Variants in TMC5 observed in about 807,000 individuals in gnomAD.
TMC5 encodes the protein transmembrane channel like 5.
TMC5 carries 86 observed loss-of-function variants against 110.5 expected under a neutral mutation model. The ratio of observed to expected loss-of-function variants is 0.78; its 90% CI spans 0.65 to 0.93. The LOEUF is 0.93. TMC5 is among the 40% of genes least tolerant of loss of function. The probability of loss-of-function intolerance (pLI) is 0.00; values close to 1 mark genes in which losing one functional copy is unlikely to be tolerated. For synonymous variants in TMC5, 455 were observed against 439.5 expected (o/e 1.04, Z -0.44); for missense variants, 1,144 against 1,222.8 (o/e 0.94, Z 0.96).
At chr16:19,422,615 T>G (rs1232404601) in intron 1 of TMC5, among the ~76,000 whole-genome samples, 3 of 152,162 alleles carry the variant, frequency 2.0e-5, no homozygotes, top group African/African-American at 7.2e-5. Flanking sequence ...GAGGATCTCT[T>G]GAGCCCAGGC....
chr16:19,421,958 C>T (rs773203937), intron 1 of TMC5, among the ~76,000 whole-genome samples: 22 of 151,842 alleles, frequency 1.4e-4, no homozygotes, highest in Admixed American at 1.2e-3. Flanking sequence ...GGGCCGGGCG[C>T]GGTGGCTCAC....
chr16:19,433,663 ACATAGTG>A (rs991559366), intron 2 of TMC5, among the ~76,000 whole-genome samples: 3 of 151,138 alleles, frequency 2.0e-5, no homozygotes, highest in Non-Finnish European at 4.4e-5. Flanking sequence ...TTATTGCCAC[ACATAGTG>A]AGTATTAGAT....
chr16:19,454,072 GAGTTT>G (rs1967810608), intron 5 of TMC5, among the ~76,000 whole-genome samples: 3 of 151,974 alleles, frequency 2.0e-5, no homozygotes, highest in African/African-American at 7.2e-5. Context: ...TTTTGAGGCA[GAGTTT>G]CACTCTGTCC....
At chr16:19,497,743 T>C (rs1969093062) in intron 21 of TMC5, among the ~76,000 whole-genome samples, 177 bp from the exon 22 acceptor site, 1 of 152,182 alleles carries the variant, frequency 6.6e-6, no homozygotes, top group Non-Finnish European at 1.5e-5. Context: ...TTTTGGGGGA[T>C]AGCATTTACT....
chr16:19,448,357 G>A (rs1347361384), intron 4 of TMC5, among the ~76,000 whole-genome samples: 1 of 151,682 alleles, frequency 6.6e-6, no homozygotes, highest in African/African-American at 2.4e-5. Context: ...ACTCAAGCCT[G>A]TAATCCCAAC....
intron 1 of TMC5, among the ~76,000 whole-genome samples, chr16:19,418,583 G>A (rs1292557283): frequency 6.6e-6 from 1 of 151,686 alleles, no homozygotes; most frequent in Non-Finnish European, 1.5e-5. Context: ...CTCTCCCAAT[G>A]GTATTTCATT....
chr16:19,440,055 G>C lies in TMC5; in HGVS notation c.17G>C (p.Arg6Thr). ...CATACCAACATGTCTGCCTACTACAGGAATAACTGGTCTGAGGAAGACCCA... is the reference window on the plus strand; with the variant it reads ...CATACCAACATGTCTGCCTACTACACGAATAACTGGTCTGAGGAAGACCCA... MSAYY[R>T]NNWSEEDPDY... Residue 6 changes from arginine (R) to threonine (T), a missense_variant, in exon 3 of 22, where the codon AGG becomes ACG. By Grantham distance (71) the Arg-to-Thr change is moderately conservative (BLOSUM62 -1). Coordinates refer to ENST00000542583, the MANE Select transcript of TMC5 (RefSeq NM_001261841.2). The C allele has an allele frequency of 6.2e-7, 1 of 1,613,538 alleles. No individual in the cohort carries two copies. Among genetic ancestry groups the C allele is most frequent in the Non-Finnish European group, 8.5e-7 (1 of 1,179,800 alleles).
chr16:19,449,480 C>A, intron 4 of TMC5, 62 bp from the exon 5 acceptor site: 1 of 1,371,984 alleles, frequency 7.3e-7, no homozygotes, highest in Non-Finnish European at 1.0e-6. Flanking sequence ...ATAACTATTG[C>A]ATGCCAGGAA....
intron 1 of TMC5, among the ~76,000 whole-genome samples, chr16:19,430,139 G>A (rs141493589): frequency 6.6e-6 from 1 of 152,294 alleles, no homozygotes; most frequent in Non-Finnish European, 1.5e-5. Context: ...AATTGGATTA[G>A]GAAGAGGTAT....
intron 17 of TMC5, 87 bp from the exon 18 acceptor site, chr16:19,490,308 C>A: frequency 7.4e-7 from 1 of 1,342,634 alleles, no homozygotes; most frequent in Non-Finnish European, 1.0e-6. Context: ...TGTTTTCAGG[C>A]CCAGAGCCCA....
At chr16:19,459,416 C>T (rs994680324) in intron 5 of TMC5, among the ~76,000 whole-genome samples, 4 of 152,030 alleles carry the variant, frequency 2.6e-5, no homozygotes, top group African/African-American at 9.7e-5. Context: ...GGGCATTCAG[C>T]GATAGTCAAG....
intron 5 of TMC5, chr16:19,456,563 A>T: frequency 7.0e-7 from 1 of 1,436,436 alleles, no homozygotes; most frequent in Non-Finnish European, 9.1e-7. Context: ...TCATCCTGGC[A>T]TTTTAAAAAT....
At position 19,475,051 on chromosome 16, in the gene TMC5, C is replaced by T. The variant is rs367669299; in HGVS notation, c.2090+775C>T. Among the ~76,000 whole-genome samples the T allele has an allele frequency of 7.2e-4, 109 of 152,316 alleles. 2 individuals are homozygous for T. In the East Asian group the frequency reaches 8.9e-3, roughly 12 times the overall value. ...GAAGTGATCCCAGAGTTTTGATACA[C>T]AAAGCCTGGAACTGCCCAAATTTTG... On this transcript the variant is annotated intron_variant, in intron 12 of 21. Transcript: ENST00000542583.
intron 2 of TMC5, among the ~76,000 whole-genome samples, chr16:19,438,278 G>C (rs1967391492): frequency 1.3e-5 from 2 of 150,550 alleles, no homozygotes; most frequent in Non-Finnish European, 2.9e-5. Flanking sequence ...TGTGGTCCTA[G>C]CTACTCAGGA....
At chr16:19,466,303 A>G (rs1968188274) in intron 9 of TMC5, 70 bp downstream of exon 9, 8 of 1,554,160 alleles carry the variant, frequency 5.1e-6, no homozygotes, top group Admixed American at 1.8e-5. Flanking sequence ...AAGAAATTCA[A>G]AAATTACCCA....
At chr16:19,426,558 A>G (rs1967091558) in intron 1 of TMC5, among the ~76,000 whole-genome samples, 1 of 152,132 alleles carries the variant, frequency 6.6e-6, no homozygotes, top group Non-Finnish European at 1.5e-5. Flanking sequence ...TGGGTGCAAG[A>G]GCCAGGATGT....
chr16:19,487,199 C>G lies in TMC5; in HGVS notation c.2446C>G (p.Leu816Val), dbSNP rs1968766051. The G allele has an allele frequency of 1.9e-6, 3 of 1,612,320 alleles. No individual in the cohort carries two copies. Among genetic ancestry groups the G allele is most frequent in the Admixed American group, 3.3e-5 (2 of 59,858 alleles). ...FIMFYSKNIS[L>V]MMNFQPPSKA... ...GCTGCCTCTCTCTCTTCAGATCAGC[C>G]TGATGATGAATTTCCAGCCTCCGAG... The change falls in exon 17 of 22, where the codon CTG becomes GTG. Residue 816 changes from leucine to valine, a missense_variant. Coordinates refer to ENST00000542583, the MANE Select transcript of TMC5 (RefSeq NM_001261841.2).
intron 17 of TMC5, among the ~76,000 whole-genome samples, chr16:19,488,560 G>A (rs1393862859): frequency 6.6e-6 from 1 of 150,964 alleles, no homozygotes; most frequent in Non-Finnish European, 1.5e-5. Flanking sequence ...AAGCCAGCAA[G>A]CCCCTCCCAA....
chr16:19,496,041 C>G (rs1353039510), intron 20 of TMC5, among the ~76,000 whole-genome samples: 1 of 151,676 alleles, frequency 6.6e-6, no homozygotes, highest in Non-Finnish European at 1.5e-5. Context: ...TCTGTAATCC[C>G]AGCTACTTGG....
Sources: allele counts gnomAD v4.1 joint callset (sites outside exome capture counted in the v4.1 genomes callset), GRCh38; gene constraint gnomAD v4.1.1; transcripts MANE v1.5; gene names NCBI Gene and HGNC (gene_info 2026-07-23, HGNC 2026-07-21).